Variants in WWOX observed in about 807,000 individuals in gnomAD.
WWOX encodes the protein WW domain-containing oxidoreductase.
In WWOX, 69 loss-of-function variants were observed where a neutral mutation model predicts 46.2. The observed-to-expected ratio is 1.49, with a 90% CI of 1.23 to 1.82. The LOEUF is 1.82. WWOX is among the 40% of genes most tolerant of loss of function. WWOX has a pLI of 0.00. For missense variants in WWOX, 919 were observed against 542.6 expected (o/e 1.69, Z -6.89); for synonymous variants, 359 against 202.6 (o/e 1.77, Z -6.56).
chr16:78,787,127 G>A (rs775148768), intron 8 of WWOX, among the ~76,000 whole-genome samples: 2 of 152,148 alleles, frequency 1.3e-5, no homozygotes, highest in South Asian at 2.1e-4. Flanking sequence ...CAGCCTGGGC[G>A]ACAGAGTGAG....
chr16:78,712,585 G>C (rs1407888114), intron 8 of WWOX, among the ~76,000 whole-genome samples: 1 of 151,930 alleles, frequency 6.6e-6, no homozygotes, highest in Non-Finnish European at 1.5e-5. Flanking sequence ...ATTTTGATTT[G>C]GATTTAGGGG....
At chr16:78,748,064 C>T (rs1338956720) in intron 8 of WWOX, among the ~76,000 whole-genome samples, 1 of 152,168 alleles carries the variant, frequency 6.6e-6, no homozygotes, top group Admixed American at 6.5e-5. Context: ...GAAGTGTCCC[C>T]TGTCTGTTAG....
intron 8 of WWOX, among the ~76,000 whole-genome samples, chr16:78,670,218 G>A (rs1217134002): frequency 6.6e-6 from 1 of 152,108 alleles, no homozygotes; most frequent in East Asian, 1.9e-4. Flanking sequence ...TGGAGTTTAG[G>A]AAGGCCAGGC....
At chr16:78,733,781 C>G (rs2049020336) in intron 8 of WWOX, among the ~76,000 whole-genome samples, 1 of 151,264 alleles carries the variant, frequency 6.6e-6, no homozygotes, top group Admixed American at 6.6e-5. Flanking sequence ...AAATAACTAA[C>G]TAGGCTAGGC....
At chr16:78,953,202 G>C (rs186450332) in intron 8 of WWOX, among the ~76,000 whole-genome samples, 78 of 151,968 alleles carry the variant, frequency 5.1e-4, no homozygotes, top group Non-Finnish European at 8.1e-4. Context: ...AACTATCTAA[G>C]TGTTCCCCTT....
intron 8 of WWOX, chr16:79,205,975 C>A (rs940845109): frequency 6.6e-6 from 1 of 152,148 alleles, no homozygotes; most frequent in African/African-American, 2.4e-5. Context: ...TTTCTTAGTT[C>A]TGCAAATCTG....
At chr16:79,012,320 C>G (rs1165727416) in intron 8 of WWOX, among the ~76,000 whole-genome samples, 1 of 152,086 alleles carries the variant, frequency 6.6e-6, no homozygotes, top group Admixed American at 6.5e-5. Context: ...GCAACCTACA[C>G]TTCCTGGATT....
intron 8 of WWOX, among the ~76,000 whole-genome samples, chr16:79,164,438 G>A (rs2050551466): frequency 6.6e-6 from 1 of 152,120 alleles, no homozygotes. Flanking sequence ...CTGACTTTGA[G>A]GTCCTCATTA....
intron 8 of WWOX, among the ~76,000 whole-genome samples, chr16:79,192,747 C>A (rs141665161): frequency 8.7e-4 from 133 of 152,252 alleles, no homozygotes; most frequent in African/African-American, 3.1e-3. Context: ...ACAAAAGAGG[C>A]AGTAGAGTGA....
chr16:78,186,041 G>T (rs2151758395), intron 5 of WWOX, among the ~76,000 whole-genome samples: 1 of 152,338 alleles, frequency 6.6e-6, no homozygotes, highest in Non-Finnish European at 1.5e-5. Context: ...CTGGCCATGT[G>T]TGGCAGTTGA....
At chr16:78,456,858 A>C (rs2083830794) in intron 8 of WWOX, among the ~76,000 whole-genome samples, 1 of 152,252 alleles carries the variant, frequency 6.6e-6, no homozygotes, top group African/African-American at 2.4e-5. Flanking sequence ...ATGTAATGAA[A>C]TTTGCAATGC....
chr16:78,666,733 C>G (rs941615414), intron 8 of WWOX, among the ~76,000 whole-genome samples: 2 of 152,184 alleles, frequency 1.3e-5, no homozygotes, highest in African/African-American at 4.8e-5. Flanking sequence ...CCATCTGCCT[C>G]TTTCCTAATG....
chr16:79,208,195 G>C (rs1002977095), intron 8 of WWOX, among the ~76,000 whole-genome samples: 1 of 152,168 alleles, frequency 6.6e-6, no homozygotes, highest in Non-Finnish European at 1.5e-5. Context: ...GCTCACAAAT[G>C]TTTGACTAGA....
Position 78,768,279 on chromosome 16 carries a change from T to TAAAAAAAAAAAAAAA in WWOX, c.1056+335534_1056+335548dup, listed in dbSNP as rs56280651. 8.7e-4 allele frequency among the ~76,000 whole-genome samples: 80 copies of TAAAAAAAAAAAAAAA among 91,946 alleles called. 2 individuals carry two copies. Among genetic ancestry groups the TAAAAAAAAAAAAAAA allele is most frequent in the African/African-American group, 3.2e-3 (79 of 24,972 alleles). The allele number at this position is 91,946 out of a possible 152,430, so 60.3% of individuals were successfully genotyped here. A position where few individuals can be genotyped will look rare whatever the true frequency, so the allele number is the denominator to read the frequency against. On this transcript the variant is annotated intron_variant, in intron 8 of 8. Coordinates refer to ENST00000566780, the MANE Select transcript of WWOX (RefSeq NM_016373.4). ...GCAAGCCAAAAAGTGATAGATGAGT[T>TAAAAAAAAAAAAAAA]AAAAAAAAAAAAAAAAAAAAAGTTG...
chr16:78,259,699 A>G (rs1256203934), intron 5 of WWOX, among the ~76,000 whole-genome samples: 1 of 151,562 alleles, frequency 6.6e-6, no homozygotes, highest in East Asian at 1.9e-4. Context: ...GCATTCTAAT[A>G]TACTGTGGAT....
chr16:78,714,386 G>A (rs983340928), intron 8 of WWOX, among the ~76,000 whole-genome samples: 36 of 152,128 alleles, frequency 2.4e-4, no homozygotes, highest in African/African-American at 8.7e-4. Context: ...AAAACCATCA[G>A]ATCTCGTGAG....
intron 8 of WWOX, among the ~76,000 whole-genome samples, chr16:78,641,430 G>A (rs1009572781): frequency 2.5e-4 from 38 of 152,132 alleles, no homozygotes; most frequent in African/African-American, 9.2e-4. Flanking sequence ...TTAATAAACT[G>A]GCGAGTCAGA....
intron 8 of WWOX, among the ~76,000 whole-genome samples, chr16:78,634,837 A>AGAGAGAGAGTGTGTGT (rs1346762709): frequency 1.3e-4 from 15 of 111,784 alleles, no homozygotes; most frequent in Non-Finnish European, 2.3e-4. Context: ...AGAGAGAGAG[A>AGAGAGAGAGTGTGTGT]GTGTGTGTGT....
At chr16:79,162,125 A>G (rs911539256) in intron 8 of WWOX, among the ~76,000 whole-genome samples, 2 of 152,152 alleles carry the variant, frequency 1.3e-5, no homozygotes, top group East Asian at 1.9e-4. Context: ...GAGTGTTCCT[A>G]CCTGTGAGTA....
Sources: allele counts gnomAD v4.1 joint callset (sites outside exome capture counted in the v4.1 genomes callset), GRCh38; gene constraint gnomAD v4.1.1; transcripts MANE v1.5; gene names NCBI Gene and HGNC (gene_info 2026-07-23, HGNC 2026-07-21).